Variants in GRM8 observed in about 807,000 individuals in gnomAD.
The protein encoded by GRM8 is glutamate metabotropic receptor 8.
Under a neutral mutation model 87.2 loss-of-function variants are expected in GRM8, and 47 were observed. The observed-to-expected ratio is 0.54, with a 90% confidence interval of 0.43 to 0.69. GRM8 has a LOEUF of 0.69. Among genes scored for constraint, GRM8 ranks in the 30% least tolerant of loss-of-function variants. GRM8 has a pLI of 0.00. For missense variants in GRM8, 1,019 were observed against 1,139.2 expected (o/e 0.89, Z 1.52); for synonymous variants, 396 against 404.5 (o/e 0.98, Z 0.25).
chr7:126,612,915 T>A (rs1422147749), intron 7 of GRM8, among the ~76,000 whole-genome samples: 1 of 152,246 alleles, frequency 6.6e-6, no homozygotes, highest in Non-Finnish European at 1.5e-5. Flanking sequence ...TTGTTATTAA[T>A]GTGACATTAG....
At chr7:127,162,946 T>A (rs898112641) in intron 2 of GRM8, among the ~76,000 whole-genome samples, 1 of 152,162 alleles carries the variant, frequency 6.6e-6, no homozygotes, top group Admixed American at 6.5e-5. Context: ...TTATCACTGT[T>A]CACAGAGTAG....
intron 2 of GRM8, among the ~76,000 whole-genome samples, chr7:127,177,126 C>G (rs1794155575): frequency 6.6e-6 from 1 of 152,150 alleles, no homozygotes; most frequent in Non-Finnish European, 1.5e-5. Flanking sequence ...CTGTCACACC[C>G]TCCGCCAGGA....
intron 10 of GRM8, chr7:126,445,477 GA>G (rs1258948836): frequency 6.6e-6 from 1 of 152,200 alleles, no homozygotes; most frequent in Non-Finnish European, 1.5e-5. Context: ...AATAGGTAAA[GA>G]AAAGAAAAAT....
In GRM8 at chr7:126,620,545, C is replaced by T. The variant is rs73449259; in HGVS notation, c.1358-11047G>A. Among the ~76,000 whole-genome samples, 166 of 151,668 alleles carry T rather than the reference C, an allele frequency of 1.1e-3. 1 individual carries two copies. Among genetic ancestry groups the T allele is most frequent in the Admixed American group, 3.0e-3 (45 of 15,238 alleles). On this transcript the variant is annotated intron_variant, in intron 7 of 10. Coordinates refer to ENST00000339582, the MANE Select transcript of GRM8 (RefSeq NM_000845.3). ...CAAATGTTGGCTCTTTTGAATATTG[C>T]GCAGGGGAAGAATATGGGCTTGGGA...
rs918385129 is a variant in GRM8, at chr7:126,856,032, A to G, written c.1156+46510T>C. Among the ~76,000 whole-genome samples, 3 of 152,302 alleles carry G rather than the reference A, an allele frequency of 2.0e-5. No individual in the cohort carries two copies. In the South Asian group the frequency reaches 6.2e-4, roughly 32 times the overall value. ...TTAAAGGAGAAAAGTGGCTTCAATGATTAAGAAGCATGAACTTTCATCAGC... is the reference window on the plus strand; with the variant it reads ...TTAAAGGAGAAAAGTGGCTTCAATGGTTAAGAAGCATGAACTTTCATCAGC... On this transcript the variant is annotated intron_variant, in intron 6 of 10. Transcript: ENST00000339582.
intron 1 of GRM8, among the ~76,000 whole-genome samples, chr7:127,247,925 T>G (rs1798663413): frequency 6.6e-6 from 1 of 152,198 alleles, no homozygotes; most frequent in South Asian, 2.1e-4. Context: ...AAAGCTCTTC[T>G]ACACAAGCCA....
chr7:126,918,609 A>T (rs530696721), intron 3 of GRM8, among the ~76,000 whole-genome samples: 16 of 152,366 alleles, frequency 1.1e-4, no homozygotes, highest in African/African-American at 3.6e-4. Flanking sequence ...GCTTTACTTT[A>T]ATGATAAAAC....
intron 6 of GRM8, among the ~76,000 whole-genome samples, chr7:126,871,275 T>G (rs1212343860): frequency 1.3e-5 from 2 of 152,214 alleles, no homozygotes; most frequent in Non-Finnish European, 2.9e-5. Context: ...GAAGATATTT[T>G]CTTATTATAC....
chr7:126,762,375 G>A (rs1817667573), intron 7 of GRM8, among the ~76,000 whole-genome samples: 1 of 151,670 alleles, frequency 6.6e-6, no homozygotes, highest in Non-Finnish European at 1.5e-5. Context: ...AGGCTTGGAT[G>A]GGCTCGCAAC....
intron 6 of GRM8, among the ~76,000 whole-genome samples, chr7:126,879,844 T>C (rs1364361471): frequency 6.6e-6 from 1 of 152,194 alleles, no homozygotes; most frequent in Non-Finnish European, 1.5e-5. Flanking sequence ...TGCATATTTG[T>C]GTAGACATAT....
chr7:126,618,574 A>G (rs892511371), intron 7 of GRM8, among the ~76,000 whole-genome samples: 44 of 152,226 alleles, frequency 2.9e-4, no homozygotes, highest in African/African-American at 1.0e-3. Context: ...AGAAACTACC[A>G]TCAGAGTGAA....
intron 7 of GRM8, among the ~76,000 whole-genome samples, chr7:126,656,459 G>A (rs1279792186): frequency 2.6e-5 from 4 of 152,048 alleles, no homozygotes; most frequent in African/African-American, 4.8e-5. Context: ...CGGGCGGATC[G>A]CAAGGTCAGG....
At chr7:126,478,140 C>T (rs1806218115) in intron 9 of GRM8, among the ~76,000 whole-genome samples, 1 of 152,106 alleles carries the variant, frequency 6.6e-6, no homozygotes, top group Non-Finnish European at 1.5e-5. Context: ...ATCACATTTA[C>T]AAGTTCCAGA....
chr7:126,503,238 G>A (rs534051311), intron 9 of GRM8, among the ~76,000 whole-genome samples: 3 of 152,146 alleles, frequency 2.0e-5, no homozygotes, highest in African/African-American at 7.2e-5. Context: ...CAAAAGTACA[G>A]CAAAGAGAGG....
At chr7:126,956,077 C>A (rs1350735770) in intron 3 of GRM8, among the ~76,000 whole-genome samples, 1 of 151,974 alleles carries the variant, frequency 6.6e-6, no homozygotes, top group Non-Finnish European at 1.5e-5. Context: ...AGAGAGGGAC[C>A]AATTTTGGTA....
chr7:126,937,056 C>A (rs554476643), intron 3 of GRM8, among the ~76,000 whole-genome samples: 1 of 152,248 alleles, frequency 6.6e-6, no homozygotes, highest in African/African-American at 2.4e-5. Context: ...GCTGAGGACT[C>A]CTGCTAGAAA....
At chr7:126,446,638 GA>G (rs1453886726) in intron 9 of GRM8, among the ~76,000 whole-genome samples, 3 of 151,848 alleles carry the variant, frequency 2.0e-5, no homozygotes, top group Non-Finnish European at 4.4e-5. Context: ...TTCCTTTTTA[GA>G]TTATAAATAA....
chr7:126,957,777 A>G (rs1188932098), intron 3 of GRM8, among the ~76,000 whole-genome samples: 1 of 152,194 alleles, frequency 6.6e-6, no homozygotes, highest in African/African-American at 2.4e-5. Flanking sequence ...GGTACCACGA[A>G]CAGAGGCAGG....
At chr7:126,953,662 G>T (rs1808383715) in intron 3 of GRM8, among the ~76,000 whole-genome samples, 2 of 151,930 alleles carry the variant, frequency 1.3e-5, no homozygotes, top group Admixed American at 1.3e-4. Flanking sequence ...CAGAAGGAGA[G>T]CTATCAAAAG....
Sources: gnomAD v4.1 joint callset for allele counts (sites outside exome capture counted in the v4.1 genomes callset) on GRCh38, gnomAD v4.1.1 for gene constraint, MANE v1.5 for transcripts, NCBI Gene and HGNC (gene_info 2026-07-23, HGNC 2026-07-21) for gene names.